GALNT13: variants seen among roughly 807,000 people sequenced by gnomAD.
GALNT13 encodes UDP-GalNAc:polypeptide N-acetylgalactosaminyltransferase 13.
A neutral mutation model predicts 64.2 loss-of-function variants in GALNT13; 28 were observed. That is an observed-to-expected ratio of 0.44 (90% CI 0.32 to 0.60). The LOEUF (loss-of-function observed/expected upper bound fraction) is 0.60, where lower values mean the gene tolerates loss of function less well. Among genes scored for constraint, GALNT13 ranks in the 20% least tolerant of loss-of-function variants. The pLI is 0.05. For synonymous variants in GALNT13, 214 were observed against 224.6 expected, an observed-to-expected ratio of 0.95 and a Z score of 0.42; for missense variants, 577 against 669.8, an observed-to-expected ratio of 0.86 and a Z score of 1.53.
At chr2:153,468,423 A>G in the GALNT13 span, among the ~76,000 whole-genome samples, 1 of 152,086 alleles carries the variant, frequency 6.6e-6, no homozygotes, top group African/African-American at 2.4e-5. Context: ...TTTAGTCTCT[A>G]TACACCACTA....
the GALNT13 span, among the ~76,000 whole-genome samples, chr2:153,359,409 T>A: frequency 6.6e-6 from 1 of 152,108 alleles, no homozygotes; most frequent in Non-Finnish European, 1.5e-5. Flanking sequence ...ATAATAAGAA[T>A]CTTTTTATTT....
the GALNT13 span, among the ~76,000 whole-genome samples, chr2:153,084,705 C>G: frequency 1.3e-5 from 2 of 152,194 alleles, no homozygotes; most frequent in African/African-American, 4.8e-5. Context: ...CCTCATTTGC[C>G]TTCAGCCATG....
At chr2:154,172,581 C>T (rs971300433) in intron 4 of GALNT13, among the ~76,000 whole-genome samples, 3 of 151,914 alleles carry the variant, frequency 2.0e-5, no homozygotes, top group Non-Finnish European at 2.9e-5. Context: ...TTTAACATGA[C>T]GTCAAGTTCC....
the GALNT13 span, among the ~76,000 whole-genome samples, chr2:153,463,991 C>T: frequency 6.6e-6 from 1 of 152,130 alleles, no homozygotes; most frequent in Admixed American, 6.5e-5. Context: ...GAAGCCAGGA[C>T]ATATGAGTAG....
chr2:154,383,451 A>G (rs546528347), intron 9 of GALNT13, among the ~76,000 whole-genome samples: 1 of 152,092 alleles, frequency 6.6e-6, no homozygotes, highest in African/African-American at 2.4e-5. Context: ...TCAACAATTG[A>G]CTATTCATAG....
At chr2:153,637,150 GTAA>G in the GALNT13 span, among the ~76,000 whole-genome samples, 3 of 152,100 alleles carry the variant, frequency 2.0e-5, no homozygotes, top group Non-Finnish European at 4.4e-5. Context: ...ATTCAAGCTT[GTAA>G]TAATATATCT....
chr2:154,242,901 G>C lies in GALNT13; in HGVS notation c.682G>C (p.Asp228His). The C allele has an allele frequency of 6.2e-7, 1 of 1,613,558 alleles. No homozygotes were observed. The highest frequency in any genetic ancestry group is 1.3e-5 in the African/African-American group (1 of 75,044). Residue 228 changes from aspartate to histidine, a missense_variant, in exon 6 of 13, where the codon GAC becomes CAC. Asp to His is a moderately conservative substitution (Grantham distance 81, BLOSUM62 -1). Transcript: ENST00000392825. ...GCCTTTGCTGGCAAGAATAAAGGAA[G>C]ACAGGTAAGAATTTATGTGTTCTGT... ...LEPLLARIKE[D>H]RKTVVCPIID...
intron 4 of GALNT13, among the ~76,000 whole-genome samples, chr2:154,149,790 T>A (rs971381563): frequency 1.3e-5 from 2 of 152,224 alleles, no homozygotes; most frequent in Non-Finnish European, 2.9e-5. Context: ...ATCCTGAGAC[T>A]TTGCTGAAGT....
the GALNT13 span, among the ~76,000 whole-genome samples, chr2:153,554,650 C>CTGTGTGTGTGTG: frequency 7.3e-6 from 1 of 137,342 alleles, no homozygotes; most frequent in African/African-American, 2.8e-5. Flanking sequence ...ACCCGGGATG[C>CTGTGTGTGTGTG]TGTATATGTG....
At chr2:153,613,960 A>G in the GALNT13 span, among the ~76,000 whole-genome samples, 1 of 152,110 alleles carries the variant, frequency 6.6e-6, no homozygotes, top group Admixed American at 6.6e-5. Flanking sequence ...ACGTATACAT[A>G]TGTAAGAAAC....
chr2:153,822,604 GAC>G, the GALNT13 span, among the ~76,000 whole-genome samples: 3 of 152,234 alleles, frequency 2.0e-5, no homozygotes, highest in Admixed American at 6.5e-5. Context: ...AGCCATATGT[GAC>G]ACACTCAAGC....
At chr2:153,540,140 G>T in the GALNT13 span, among the ~76,000 whole-genome samples, 1 of 152,176 alleles carries the variant, frequency 6.6e-6, no homozygotes, top group Non-Finnish European at 1.5e-5. Context: ...CTGTGGGCCT[G>T]GTCCAGGGCC....
chr2:153,893,047 T>TGGATTCTTGCATTCATTCTA, intron 1 of GALNT13, among the ~76,000 whole-genome samples: 1 of 152,180 alleles, frequency 6.6e-6, no homozygotes, highest in East Asian at 1.9e-4. Flanking sequence ...CCAGAGATCT[T>TGGATTCTTGCATTCATTCTA]GGATTCTTGC....
chr2:153,806,367 A>G, the GALNT13 span, among the ~76,000 whole-genome samples: 17 of 152,110 alleles, frequency 1.1e-4, no homozygotes, highest in Non-Finnish European at 2.4e-4. Flanking sequence ...TTGACAACAG[A>G]TCAATAAGGG....
At chr2:154,199,834 G>C (rs1377618890) in intron 4 of GALNT13, among the ~76,000 whole-genome samples, 1 of 152,014 alleles carries the variant, frequency 6.6e-6, no homozygotes. Context: ...CCTAGGGTAA[G>C]TAATCTTTTA....
the GALNT13 span, among the ~76,000 whole-genome samples, chr2:153,465,012 A>T: frequency 6.8e-3 from 1,032 of 152,212 alleles, 11 homozygotes; most frequent in African/African-American, 0.024. Context: ...ACTGATTTTG[A>T]TTCAAAATTA....
the GALNT13 span, among the ~76,000 whole-genome samples, chr2:153,674,984 A>G: frequency 6.6e-6 from 1 of 152,232 alleles, no homozygotes; most frequent in South Asian, 2.1e-4. Flanking sequence ...TGCAAATCAA[A>G]ACCACAATGA....
At chr2:153,507,400 C>G in the GALNT13 span, among the ~76,000 whole-genome samples, 2 of 152,056 alleles carry the variant, frequency 1.3e-5, no homozygotes, top group Admixed American at 1.3e-4. Context: ...CTTGCCTCAG[C>G]CTCCCAAGTA....
intron 3 of GALNT13, among the ~76,000 whole-genome samples, chr2:153,991,152 G>T (rs746153293): frequency 6.6e-6 from 1 of 152,274 alleles, no homozygotes; most frequent in Non-Finnish European, 1.5e-5. Context: ...AGATTTCAAA[G>T]AAATTGAAGC....
Sources: gnomAD v4.1 joint callset for allele counts (sites outside exome capture counted in the v4.1 genomes callset) on GRCh38, gnomAD v4.1.1 for gene constraint, MANE v1.5 for transcripts, NCBI Gene and HGNC (gene_info 2026-07-23, HGNC 2026-07-21) for gene names.